Variants in CNTNAP3B observed in about 807,000 individuals in gnomAD.
CNTNAP3B encodes the protein contactin-associated protein-like 3B.
In CNTNAP3B, 25 loss-of-function variants were observed where a neutral mutation model predicts 108.9. That is an observed-to-expected ratio of 0.23 (90% CI 0.17 to 0.32). The LOEUF is 0.32. CNTNAP3B is among the 10% of genes least tolerant of loss of function. The probability of loss-of-function intolerance (pLI) is 1.00; values close to 1 mark genes in which losing one functional copy is unlikely to be tolerated. For missense variants in CNTNAP3B, 252 were observed against 1,210.4 expected, an observed-to-expected ratio of 0.21 and a Z score of 11.75; for synonymous variants, 103 against 473.4, an observed-to-expected ratio of 0.22 and a Z score of 10.16.
intron 13 of CNTNAP3B, among the ~76,000 whole-genome samples, chr9:41,939,866 C>A (rs1177087218): frequency 4.8e-4 from 73 of 151,886 alleles, no homozygotes; most frequent in African/African-American, 1.7e-3. Flanking sequence ...CTATTTCCAC[C>A]AAGTATAATG....
At chr9:41,917,575 G>A (rs1171933610) in intron 18 of CNTNAP3B, among the ~76,000 whole-genome samples, 1 of 142,028 alleles carries the variant, frequency 7.0e-6, no homozygotes, top group Admixed American at 7.0e-5. Context: ...GCACAGGGTG[G>A]GAAAGGTAAC....
intron 2 of CNTNAP3B, among the ~76,000 whole-genome samples, chr9:42,077,603 G>T (rs1827519094): frequency 7.6e-6 from 1 of 131,936 alleles, no homozygotes; most frequent in Non-Finnish European, 1.6e-5. Flanking sequence ...GGAGAGTGAT[G>T]GTTACGAGGA....
At position 42,062,655 on chromosome 9, in the gene CNTNAP3B, T is replaced by G. The variant is rs866709259; in HGVS notation, c.390+14214A>C. On this transcript the variant is annotated intron_variant, in intron 3 of 23. Transcript: ENST00000377561. ...AACTGACTACAGTCATTTAGTTCAT[T>G]CTTTTCTGGCTTTGTTTCCTGACTA... Among the ~76,000 whole-genome samples the G allele has an allele frequency of 5.5e-4, 65 of 118,434 alleles. 6 individuals carry two copies. The highest frequency in any genetic ancestry group is 2.2e-3 in the African/African-American group (64 of 29,290). The allele number at this position is 118,434 out of a possible 152,430, so 77.7% of individuals were successfully genotyped here. A position where few individuals can be genotyped will look rare whatever the true frequency, so the allele number is the denominator to read the frequency against.
At chr9:42,087,945 TAAAC>T (rs1251970481) in intron 2 of CNTNAP3B, among the ~76,000 whole-genome samples, 2 of 90,960 alleles carry the variant, frequency 2.2e-5, no homozygotes, top group Non-Finnish European at 4.3e-5. Flanking sequence ...AAAGAATGGA[TAAAC>T]AAACAGCACA....
chr9:41,967,043 G>A (rs1053172465), intron 10 of CNTNAP3B, among the ~76,000 whole-genome samples: 4 of 149,838 alleles, frequency 2.7e-5, no homozygotes, highest in Non-Finnish European at 4.4e-5. Flanking sequence ...AGTGCCCATT[G>A]CTATTTTTTG....
chr9:42,125,645 G>T (rs1828551451), intron 1 of CNTNAP3B, among the ~76,000 whole-genome samples: 1 of 135,750 alleles, frequency 7.4e-6, no homozygotes, highest in African/African-American at 2.9e-5. Context: ...ATGAATAAAG[G>T]CATGTGAACT....
At chr9:41,940,640 C>A (rs1428630384) in intron 13 of CNTNAP3B, among the ~76,000 whole-genome samples, 1 of 152,256 alleles carries the variant, frequency 6.6e-6, no homozygotes, top group Non-Finnish European at 1.5e-5. Context: ...CACGGTGAAA[C>A]CCCGTCTCTA....
intron 14 of CNTNAP3B, among the ~76,000 whole-genome samples, chr9:41,934,333 C>T (rs1441557961): frequency 2.0e-5 from 3 of 152,148 alleles, no homozygotes; most frequent in Non-Finnish European, 2.9e-5. Flanking sequence ...ATTCTCCTGC[C>T]TCAGCCTCCC....
chr9:42,035,465 C>A (rs1383824179), intron 3 of CNTNAP3B, among the ~76,000 whole-genome samples: 1 of 145,844 alleles, frequency 6.9e-6, no homozygotes, highest in Non-Finnish European at 1.5e-5. Context: ...CTCAGAAGAT[C>A]TTGGGGGTTA....
intron 13 of CNTNAP3B, among the ~76,000 whole-genome samples, chr9:41,942,802 A>G (rs1378650638): frequency 2.6e-5 from 4 of 151,908 alleles, no homozygotes; most frequent in African/African-American, 9.7e-5. Flanking sequence ...AGAAAGAAAA[A>G]TAAAATAACC....
intron 1 of CNTNAP3B, among the ~76,000 whole-genome samples, chr9:42,107,737 A>C (rs1828110008): frequency 7.2e-6 from 1 of 138,300 alleles, no homozygotes; most frequent in African/African-American, 2.9e-5. Context: ...ACACTTTGGG[A>C]GACCAAGGCG....
At chr9:42,053,639 A>T (rs1826999286) in intron 3 of CNTNAP3B, among the ~76,000 whole-genome samples, 1 of 141,268 alleles carries the variant, frequency 7.1e-6, no homozygotes, top group African/African-American at 2.8e-5. Context: ...AGAGGTGATG[A>T]GATGACAAAC....
chr9:42,041,799 C>A (rs4535776), intron 3 of CNTNAP3B, among the ~76,000 whole-genome samples: 2 of 107,562 alleles, frequency 1.9e-5, no homozygotes, highest in African/African-American at 3.9e-5. Context: ...GTGTTTATTG[C>A]GACACTATCT....
chr9:41,935,932 C>T (rs562911030), intron 14 of CNTNAP3B, among the ~76,000 whole-genome samples: 355 of 151,988 alleles, frequency 2.3e-3, no homozygotes, highest in East Asian at 0.02. Flanking sequence ...TTCCTCCCAT[C>T]CCCTCCTCAA....
chr9:41,943,189 A>T (rs1341825431), intron 13 of CNTNAP3B, among the ~76,000 whole-genome samples: 3 of 152,294 alleles, frequency 2.0e-5, no homozygotes, highest in African/African-American at 7.2e-5. Context: ...TAAACATTGT[A>T]GAGTGTCTTT....
At chr9:41,959,865 T>C (rs1264319540) in intron 12 of CNTNAP3B, 10 of 152,308 alleles carry the variant, frequency 6.6e-5, no homozygotes, top group African/African-American at 1.9e-4. Flanking sequence ...ATGAGAACAG[T>C]TTATTCCAGA....
chr9:42,054,961 C>T (rs1416005287), intron 3 of CNTNAP3B, among the ~76,000 whole-genome samples: 2 of 143,968 alleles, frequency 1.4e-5, no homozygotes, highest in East Asian at 4.1e-4. Context: ...TACACTGATG[C>T]CCACACATCC....
intron 3 of CNTNAP3B, among the ~76,000 whole-genome samples, chr9:42,035,508 TG>T (rs1342786735): frequency 1.4e-5 from 2 of 146,744 alleles, no homozygotes; most frequent in Non-Finnish European, 3.0e-5. Flanking sequence ...TCACTAAAGG[TG>T]GGACTTTGGA....
chr9:41,976,974 A>T (rs1587168467), intron 9 of CNTNAP3B, among the ~76,000 whole-genome samples: 3 of 143,494 alleles, frequency 2.1e-5, no homozygotes, highest in African/African-American at 8.1e-5. Context: ...AAGCAAATCT[A>T]AAAGCAAAAA....
Sources: allele counts gnomAD v4.1 joint callset (sites outside exome capture counted in the v4.1 genomes callset), GRCh38; gene constraint gnomAD v4.1.1; transcripts MANE v1.5; gene names NCBI Gene and HGNC (gene_info 2026-07-23, HGNC 2026-07-21).